The following STAU2 variants were observed in gnomAD, a reference collection of about 807,000 sequenced individuals.
STAU2 encodes the protein staufen double-stranded RNA binding protein 2.
A neutral mutation model predicts 65.9 loss-of-function variants in STAU2; 20 were observed. The observed-to-expected ratio is 0.30, with a 90% CI of 0.21 to 0.44. The LOEUF is 0.44. Ranked by LOEUF, STAU2 falls within the 20% of genes least tolerant of loss-of-function variation. STAU2 has a pLI of 1.00. For missense variants in STAU2, 558 were observed against 683.9 expected (o/e 0.82, Z 2.05); for synonymous variants, 232 against 233.9 (o/e 0.99, Z 0.07).
chr8:73,582,490 T>C (rs1348590484), intron 12 of STAU2, among the ~76,000 whole-genome samples: 1 of 151,442 alleles, frequency 6.6e-6, no homozygotes. Flanking sequence ...TTTTATAATG[T>C]TGTTTCAATA....
At chr8:73,724,693 T>A (rs13281145) in intron 3 of STAU2, among the ~76,000 whole-genome samples, 75,117 of 110,482 alleles carry the variant, frequency 0.68, 22,740 homozygotes, top group Non-Finnish European at 0.72. Flanking sequence ...ATATATATAT[T>A]TTTTTTTTTT....
intron 13 of STAU2, among the ~76,000 whole-genome samples, chr8:73,508,927 AG>A (rs1424093243): frequency 6.6e-6 from 1 of 152,212 alleles, no homozygotes; most frequent in Non-Finnish European, 1.5e-5. Context: ...AATTGTTTCC[AG>A]TTTTTGACTA....
chr8:73,425,060 G>A (rs527913085), intron 13 of STAU2, among the ~76,000 whole-genome samples: 2 of 152,142 alleles, frequency 1.3e-5, no homozygotes, highest in African/African-American at 2.4e-5. Flanking sequence ...GGAGGTAGGC[G>A]CTAACTTCAG....
intron 10 of STAU2, among the ~76,000 whole-genome samples, chr8:73,602,718 G>C (rs1190441208): frequency 7.2e-6 from 1 of 138,676 alleles, no homozygotes; most frequent in Non-Finnish European, 1.5e-5. Context: ...ACAAGACCCT[G>C]TTGCCCCACC....
intron 6 of STAU2, among the ~76,000 whole-genome samples, chr8:73,637,898 G>A (rs1814667615): frequency 6.6e-6 from 1 of 151,908 alleles, no homozygotes; most frequent in Admixed American, 6.6e-5. Flanking sequence ...TATGGGGTGG[G>A]AGTTAAATAG....
chr8:73,549,764 T>TA, intron 13 of STAU2: 2 of 985,734 alleles, frequency 2.0e-6, no homozygotes, highest in South Asian at 4.7e-5. Flanking sequence ...TGCAATAAAA[T>TA]AAAAAAGTTC....
At chr8:73,628,202 T>C (rs1178710912) in intron 6 of STAU2, among the ~76,000 whole-genome samples, 4 of 151,702 alleles carry the variant, frequency 2.6e-5, no homozygotes, top group East Asian at 1.9e-4. Flanking sequence ...GTCTCTCAAG[T>C]AGCTGGGACC....
At chr8:73,489,870 C>T (rs1821078382) in intron 13 of STAU2, among the ~76,000 whole-genome samples, 1 of 151,924 alleles carries the variant, frequency 6.6e-6, no homozygotes, top group African/African-American at 2.4e-5. Context: ...AGAAAGACTC[C>T]AGTTGTTAAC....
intron 3 of STAU2, among the ~76,000 whole-genome samples, chr8:73,729,919 T>C (rs1460588691): frequency 6.6e-6 from 1 of 152,198 alleles, no homozygotes; most frequent in Non-Finnish European, 1.5e-5. Flanking sequence ...CCTATCTGTG[T>C]TTTTTCTTTG....
At position 73,597,508 on chromosome 8, in the gene STAU2, A is replaced by AT. The variant is rs1468148670; in HGVS notation, c.1030-2212_1030-2211insA. 1.4e-3 allele frequency among the ~76,000 whole-genome samples: 213 copies of AT among 150,860 alleles called. 2 individuals carry two copies. Among genetic ancestry groups the AT allele is most frequent in the African/African-American group, 4.9e-3 (202 of 41,202 alleles). On this transcript the variant is annotated intron_variant, in intron 10 of 14. Coordinates refer to ENST00000524300, the MANE Select transcript of STAU2 (RefSeq NM_001164380.2). ...GTCTTACTAAAAATACAAAAATAAA[A>AT]AAAAAAAAAAAATTAGCCAGGCATG...
chr8:73,504,353 A>G (rs1488673023), intron 13 of STAU2, among the ~76,000 whole-genome samples: 1 of 152,148 alleles, frequency 6.6e-6, no homozygotes, highest in Non-Finnish European at 1.5e-5. Context: ...CAATGACCAC[A>G]GTCATTTTTT....
rs11335188 is a variant in STAU2 at position 73,568,608 on chromosome 8, C to CA, written c.1222+14161dup. ...TTGCTAACAGAGTGAGACCCTATCT[C>CA]AAAAAAAAAAAGACAACGATTAAAA... On this transcript the variant is annotated intron_variant, in intron 12 of 14. Transcript: ENST00000524300. 3.6e-4 allele frequency among the ~76,000 whole-genome samples: 54 copies of CA among 149,746 alleles called. No homozygotes were observed. The South Asian group carries it at 8.5e-3, about 24-fold the overall frequency.
intron 13 of STAU2, among the ~76,000 whole-genome samples, chr8:73,435,900 G>A (rs915255788): frequency 1.3e-4 from 20 of 151,872 alleles, no homozygotes; most frequent in South Asian, 1.2e-3. Context: ...CCTCTCGCCC[G>A]AGAGGAGCCT....
intron 13 of STAU2, among the ~76,000 whole-genome samples, chr8:73,431,959 G>A (rs1414724785): frequency 6.6e-6 from 1 of 152,194 alleles, no homozygotes; most frequent in Non-Finnish European, 1.5e-5. Context: ...CAACATGTGG[G>A]TATTAACTTA....
intron 6 of STAU2, chr8:73,651,433 T>C (rs534791322): frequency 2.5e-4 from 163 of 665,204 alleles, no homozygotes; most frequent in Non-Finnish European, 4.0e-4. Flanking sequence ...GGTTTCAAAA[T>C]CGCCGCATGA....
intron 4 of STAU2, among the ~76,000 whole-genome samples, chr8:73,704,476 C>T (rs1027091644): frequency 4.0e-5 from 6 of 151,876 alleles, no homozygotes; most frequent in African/African-American, 1.2e-4. Context: ...GTCATAATGA[C>T]GGTGTAGTGC....
intron 10 of STAU2, among the ~76,000 whole-genome samples, chr8:73,599,276 A>T (rs1385065456): frequency 4.5e-4 from 69 of 152,322 alleles, no homozygotes; most frequent in African/African-American, 1.7e-3. Context: ...TTTAAATTTG[A>T]CTACACTAAA....
At chr8:73,554,553 A>G (rs964387606) in intron 12 of STAU2, among the ~76,000 whole-genome samples, 6 of 152,158 alleles carry the variant, frequency 3.9e-5, no homozygotes, top group Admixed American at 3.3e-4. Flanking sequence ...CACTGTGAGG[A>G]GGGATTATGG....
chr8:73,630,169 T>C (rs1813980759), intron 6 of STAU2, among the ~76,000 whole-genome samples: 1 of 152,252 alleles, frequency 6.6e-6, no homozygotes, highest in African/African-American at 2.4e-5. Flanking sequence ...CCTGCACAAA[T>C]CCTCTGGGGA....
Sources: gnomAD v4.1 joint callset for allele counts (sites outside exome capture counted in the v4.1 genomes callset) on GRCh38, gnomAD v4.1.1 for gene constraint, MANE v1.5 for transcripts, NCBI Gene and HGNC (gene_info 2026-07-23, HGNC 2026-07-21) for gene names.